The following ATP2C1 variants were observed in gnomAD, a reference collection of about 807,000 sequenced individuals.
The protein encoded by ATP2C1 is ATPase secretory pathway Ca2+ transporting 1.
In ATP2C1, 31 loss-of-function variants were observed where a neutral mutation model predicts 120.5. The observed-to-expected ratio is 0.26, with a 90% CI of 0.19 to 0.35. ATP2C1 has a LOEUF of 0.35. Among genes scored for constraint, ATP2C1 ranks in the 10% least tolerant of loss-of-function variants. ATP2C1 has a pLI of 1.00. For missense variants in ATP2C1, 731 were observed against 1,107.5 expected (o/e 0.66, Z 4.83); for synonymous variants, 351 against 358.7 (o/e 0.98, Z 0.24).
At chr3:130,977,503 A>G (rs1312299977) in intron 18 of ATP2C1, among the ~76,000 whole-genome samples, 2 of 152,158 alleles carry the variant, frequency 1.3e-5, no homozygotes, top group African/African-American at 4.8e-5. Flanking sequence ...AAGAGGTTTT[A>G]AAGTGGCATG....
At chr3:130,985,320 C>T (rs949024127) in intron 20 of ATP2C1, among the ~76,000 whole-genome samples, 2 of 151,898 alleles carry the variant, frequency 1.3e-5, no homozygotes, top group Admixed American at 6.6e-5. Flanking sequence ...TTTAAAATAG[C>T]GGAAAAGGAA....
chr3:130,964,133 G>C (rs148940457), intron 13 of ATP2C1, 38 bp downstream of exon 13: 2 of 1,607,146 alleles, frequency 1.2e-6, no homozygotes, highest in Non-Finnish European at 1.7e-6. Context: ...GCAATGATGC[G>C]TAAGTTTATG....
chr3:130,977,766 CTTT>C (rs1395688186), intron 18 of ATP2C1, among the ~76,000 whole-genome samples: 3 of 152,228 alleles, frequency 2.0e-5, no homozygotes, highest in Non-Finnish European at 2.9e-5. Flanking sequence ...GTCTTTTCTT[CTTT>C]ATCTACCCTT....
chr3:130,934,767 G>A (rs1291068612), intron 5 of ATP2C1, 56 bp downstream of exon 5: 4 of 1,237,950 alleles, frequency 3.2e-6, no homozygotes, highest in Non-Finnish European at 4.7e-6. Flanking sequence ...AATTGGGATT[G>A]GTTTTTATTT....
intron 1 of ATP2C1, among the ~76,000 whole-genome samples, chr3:130,871,740 G>A (rs926152966): frequency 2.0e-5 from 3 of 152,134 alleles, no homozygotes; most frequent in Admixed American, 2.0e-4. Flanking sequence ...GAAATCTTTA[G>A]GCCAGGGGCG....
At chr3:130,893,538 G>A (rs1430356295), upstream of ATP2C1, among the ~76,000 whole-genome samples, 2 of 152,238 alleles carry the variant, frequency 1.3e-5, no homozygotes, top group South Asian at 2.1e-4. Flanking sequence ...CGGTGCTCCA[G>A]TCCCTGGCAG....
At chr3:130,938,310 A>G (rs995169419) in intron 6 of ATP2C1, among the ~76,000 whole-genome samples, 3 of 152,244 alleles carry the variant, frequency 2.0e-5, no homozygotes, top group Non-Finnish European at 4.4e-5. Context: ...TTTCCTTTTT[A>G]GCTAGAACAT....
At chr3:130,994,752 G>C (rs2062524797) in intron 22 of ATP2C1, among the ~76,000 whole-genome samples, 1 of 151,984 alleles carries the variant, frequency 6.6e-6, no homozygotes. Context: ...CTCTGTTTTG[G>C]CCTACAGGGA....
At chr3:130,960,294 C>T (rs2060761838) in intron 12 of ATP2C1, among the ~76,000 whole-genome samples, 1 of 152,176 alleles carries the variant, frequency 6.6e-6, no homozygotes. Flanking sequence ...GCAGCCTTCT[C>T]CTGAGAGTCC....
chr3:130,928,741 A>G (rs1050307036), intron 2 of ATP2C1, among the ~76,000 whole-genome samples: 10 of 152,200 alleles, frequency 6.6e-5, no homozygotes, highest in African/African-American at 2.4e-4. Flanking sequence ...CAGGTTATAT[A>G]TATGAAGAAG....
At chr3:130,934,421 A>G (rs551827258) in intron 4 of ATP2C1, among the ~76,000 whole-genome samples, 1 of 151,836 alleles carries the variant, frequency 6.6e-6, no homozygotes, top group Non-Finnish European at 1.5e-5. Flanking sequence ...TTTTTTTCTG[A>G]AAAGGAACTG....
chr3:130,925,841 T>C (rs1264227807), intron 2 of ATP2C1, among the ~76,000 whole-genome samples: 1 of 151,686 alleles, frequency 6.6e-6, no homozygotes, highest in Non-Finnish European at 1.5e-5. Context: ...TCCAGTGGAG[T>C]TATAGTCCCA....
intron 22 of ATP2C1, among the ~76,000 whole-genome samples, chr3:130,995,733 C>T (rs1231795044): frequency 7.9e-5 from 12 of 152,110 alleles, no homozygotes; most frequent in African/African-American, 1.9e-4. Context: ...CTCCGCCTCC[C>T]GGGTTTAAGC....
chr3:130,856,958 A>C (rs2067861352), intron 1 of ATP2C1, among the ~76,000 whole-genome samples: 1 of 152,252 alleles, frequency 6.6e-6, no homozygotes, highest in Non-Finnish European at 1.5e-5. Flanking sequence ...AATTCAAAAA[A>C]TTGTAACTTT....
intron 2 of ATP2C1, among the ~76,000 whole-genome samples, chr3:130,898,477 G>T (rs2069840013): frequency 3.3e-5 from 5 of 152,082 alleles, no homozygotes; most frequent in Admixed American, 3.3e-4. Context: ...ATATCTTTGG[G>T]TGTGGGAAAT....
intron 8 of ATP2C1, 79 bp downstream of exon 8, chr3:130,941,778 TTAA>T: frequency 1.7e-6 from 2 of 1,183,794 alleles, no homozygotes; most frequent in Non-Finnish European, 2.5e-6. Context: ...TTTTAAGGAA[TTAA>T]CACATAGTTG....
chr3:130,946,945 A>C (rs1237763318), intron 8 of ATP2C1, among the ~76,000 whole-genome samples: 1 of 152,222 alleles, frequency 6.6e-6, no homozygotes, highest in African/African-American at 2.4e-5. Context: ...CAGGGCTTAG[A>C]AGTGAAAAAG....
intron 1 of ATP2C1, among the ~76,000 whole-genome samples, chr3:130,857,381 A>G (rs73872033): frequency 0.026 from 4,006 of 152,260 alleles, 176 homozygotes; most frequent in African/African-American, 0.09. Flanking sequence ...ATTTAGGCAG[A>G]GGCCTAGGTT....
chr3:131,014,203 T>G (rs2063468360), intron 26 of ATP2C1: 2 of 743,916 alleles, frequency 2.7e-6, no homozygotes, highest in South Asian at 2.9e-5. Flanking sequence ...TTCTTCTGCC[T>G]TTTTTTTTTT....
Sources: gnomAD v4.1 joint callset for allele counts (sites outside exome capture counted in the v4.1 genomes callset) on GRCh38, gnomAD v4.1.1 for gene constraint, MANE v1.5 for transcripts, NCBI Gene and HGNC (gene_info 2026-07-23, HGNC 2026-07-21) for gene names.